The following ITPR1 variants were observed in gnomAD, a reference collection of about 807,000 sequenced individuals.
ITPR1 encodes the protein inositol 1,4,5-trisphosphate receptor type 1, also known as inositol 1,4,5-trisphosphate-gated calcium channel ITPR1.
ITPR1 carries 96 observed loss-of-function variants against 318.4 expected under a neutral mutation model. The ratio of observed to expected loss-of-function variants is 0.30; its 90% CI spans 0.26 to 0.36. The LOEUF is 0.36. Ranked by LOEUF, ITPR1 falls within the 10% of genes least tolerant of loss-of-function variation. The pLI, the probability that ITPR1 is intolerant of heterozygous loss-of-function variation, is 1.00. For synonymous variants in ITPR1, 1,312 were observed against 1,289.9 expected (o/e 1.02, Z -0.37); for missense variants, 2,440 against 3,460.2 (o/e 0.71, Z 7.40).
At chr3:4,627,987 C>A in intron 5 of ITPR1, 109 bp downstream of exon 5, 1 of 639,986 alleles carries the variant, frequency 1.6e-6, no homozygotes, top group Non-Finnish European at 2.6e-6. Context: ...TTCTAGCAGC[C>A]AGCTTTCTAC....
At chr3:4,771,262 C>T (rs1365035704) in intron 46 of ITPR1, among the ~76,000 whole-genome samples, 2 of 152,164 alleles carry the variant, frequency 1.3e-5, no homozygotes, top group African/African-American at 4.8e-5. Flanking sequence ...AGCAGCCACT[C>T]CTTAGAAGAG....
Position 4,806,224 on chromosome 3 carries a change from G to C in ITPR1, c.7229G>C (p.Cys2410Ser), listed in dbSNP as rs772980394. The change falls in exon 55 of 62, where the codon TGT (cysteine) becomes TCT (serine). Residue 2410 changes from cysteine to serine, a missense_variant. Transcript: ENST00000649015. ...FLYHLLYLVI[C>S]AMGLFVHEFF... The stretch of plus-strand genomic sequence containing the variant: ...TATCATTTGTTGTATCTGGTGATCT[G>C]TGCCATGGGGCTCTTTGTCCATGAA... 1.9e-6 allele frequency: 3 copies of C among 1,614,048 alleles called. No individual in the cohort carries two copies. The Admixed American group carries it at 5.0e-5, about 27-fold the overall frequency.
chr3:4,748,664 C>T (rs1559824818), intron 44 of ITPR1, among the ~76,000 whole-genome samples: 1 of 152,040 alleles, frequency 6.6e-6, no homozygotes, highest in African/African-American at 2.4e-5. Flanking sequence ...CTACTATTTC[C>T]GATTAGTGGA....
Position 4,673,051 on chromosome 3 carries a change from G to A in ITPR1, c.2205-85G>A, listed in dbSNP as rs1362415969. ...TTAGTTGGCCAAATGTCACTCCCAT[G>A]ACAGTCAGGGCTGCCCAGACGACCC... On this transcript the variant is annotated intron_variant, in intron 20 of 61. Coordinates refer to ENST00000649015, the MANE Select transcript of ITPR1 (RefSeq NM_001378452.1). The A allele has an allele frequency of 5.5e-6, 8 of 1,448,942 alleles. No individual in the cohort carries two copies. In the Admixed American group the frequency reaches 1.7e-4, roughly 30 times the overall value. The allele number at this position is 1,448,942 out of a possible 1,614,324, so 89.8% of individuals were successfully genotyped here.
At chr3:4,758,083 A>G (rs1230962675) in intron 44 of ITPR1, among the ~76,000 whole-genome samples, 1 of 152,188 alleles carries the variant, frequency 6.6e-6, no homozygotes, top group Non-Finnish European at 1.5e-5. Flanking sequence ...CACATTTTTC[A>G]AATTCTTGGC....
chr3:4,734,307 G>A (rs1311268684), intron 43 of ITPR1, among the ~76,000 whole-genome samples: 1 of 152,190 alleles, frequency 6.6e-6, no homozygotes, highest in Non-Finnish European at 1.5e-5. Flanking sequence ...ATCATGACAG[G>A]GATTTGGAAA....
Position 4,710,317 on chromosome 3 carries a change from C to G in ITPR1, c.4843-8C>G, listed in dbSNP as rs41304179. On this transcript the variant is annotated splice_polypyrimidine_tract_variant and splice_region_variant and intron_variant, in intron 37 of 61. Coordinates refer to ENST00000649015, the MANE Select transcript of ITPR1 (RefSeq NM_001378452.1). The surrounding 1 kb of genome is among the most constrained non-coding windows in gnomAD (Gnocchi z 4.2). Reference sequence around the variant, plus strand: ...GAGCCGTTGACTGAGGCTGTGTTTCCGTTTTAGGACATCGTCTCCGCGCTG... The same window carrying G: ...GAGCCGTTGACTGAGGCTGTGTTTCGGTTTTAGGACATCGTCTCCGCGCTG... 1 of 1,536,040 alleles carries G rather than the reference C, an allele frequency of 6.5e-7. No homozygotes were observed.
At chr3:4,697,446 C>A (rs2125256297) in intron 34 of ITPR1, among the ~76,000 whole-genome samples, 174 bp downstream of exon 34, 1 of 82,302 alleles carries the variant, frequency 1.2e-5, no homozygotes, top group Non-Finnish European at 2.9e-5. Flanking sequence ...TCTCATGTAT[C>A]CTTTCTTCCT....
In ITPR1 at chr3:4,779,234, C is replaced by T. The variant is rs572234195; in HGVS notation, c.6292-316C>T. 1.2e-4 allele frequency among the ~76,000 whole-genome samples: 18 copies of T among 152,356 alleles called. No individual in the cohort carries two copies. The highest frequency in any genetic ancestry group is 2.2e-4 in the Non-Finnish European group (15 of 68,038). On this transcript the variant is annotated intron_variant, in intron 48 of 61. Transcript: ENST00000649015. The surrounding 1 kb of genome is among the most constrained non-coding windows in gnomAD (Gnocchi z 4.0). ...GTCACCATGAGGGTGACAGTGTATC[C>T]GTAAGCACCCACGTGTAAATTCCCA...
intron 61 of ITPR1, among the ~76,000 whole-genome samples, chr3:4,843,445 G>T (rs2051519112): frequency 6.6e-6 from 1 of 152,198 alleles, no homozygotes; most frequent in African/African-American, 2.4e-5. Flanking sequence ...GGTTCTCAAA[G>T]TGTAGTCCCC....
chr3:4,564,052 T>A (rs1295566891), intron 4 of ITPR1, among the ~76,000 whole-genome samples: 1 of 151,998 alleles, frequency 6.6e-6, no homozygotes, highest in East Asian at 1.9e-4. Flanking sequence ...AGCGATTCTC[T>A]TGCCTCAGCC....
rs530185493 is a variant in ITPR1, at chr3:4,734,574, A to C, written c.5354-590A>C. Among the ~76,000 whole-genome samples, 180 of 152,350 alleles carry C rather than the reference A, an allele frequency of 1.2e-3. 6 individuals carry two copies. The South Asian group carries it at 0.036, about 30-fold the overall frequency. ...AAGTCCTTAAATATGTACCTCCCAA[A>C]CACAGTCAGAATCCATTCTAAATGG... On this transcript the variant is annotated intron_variant, in intron 43 of 61. Transcript: ENST00000649015.
chr3:4,527,588 A>G (rs2083085270), intron 4 of ITPR1, among the ~76,000 whole-genome samples: 2 of 152,226 alleles, frequency 1.3e-5, no homozygotes, highest in South Asian at 4.1e-4. Context: ...CTGGGGCAGT[A>G]TAACCCAGTT....
At chr3:4,617,329 A>G (rs2092425815) in intron 4 of ITPR1, among the ~76,000 whole-genome samples, 1 of 152,154 alleles carries the variant, frequency 6.6e-6, no homozygotes, top group African/African-American at 2.4e-5. Context: ...AGGTGCCAGC[A>G]GGTTTTGGTG....
chr3:4,516,659 T>C lies in ITPR1; in HGVS notation c.92+76T>C, dbSNP rs893168265. 3.2e-5 allele frequency: 29 copies of C among 915,724 alleles called. No homozygotes were observed. The Middle Eastern group carries it at 1.1e-3, about 34-fold the overall frequency. The allele number at this position is 915,724 out of a possible 1,614,324, so 56.7% of individuals were successfully genotyped here. A position where few individuals can be genotyped will look rare whatever the true frequency, so the allele number is the denominator to read the frequency against. ...CATCAGCTTAAAACTGTGATTTTTCTAACATAAGAACGTCACCGTTTTACT... is the reference window on the plus strand; with the variant it reads ...CATCAGCTTAAAACTGTGATTTTTCCAACATAAGAACGTCACCGTTTTACT... On this transcript the variant is annotated intron_variant, in intron 3 of 61. Transcript: ENST00000649015.
chr3:4,792,298 A>G (rs1333210553), intron 52 of ITPR1, among the ~76,000 whole-genome samples: 3 of 152,248 alleles, frequency 2.0e-5, no homozygotes, highest in African/African-American at 7.2e-5. Context: ...ACAAGTTCTA[A>G]TGATTCACAT....
chr3:4,819,279 C>A (rs1037951517), intron 60 of ITPR1, among the ~76,000 whole-genome samples: 6 of 152,214 alleles, frequency 3.9e-5, no homozygotes, highest in Non-Finnish European at 7.3e-5. Context: ...GAGGCCTCTC[C>A]TAGGTTCTGG....
intron 44 of ITPR1, among the ~76,000 whole-genome samples, chr3:4,761,280 C>G (rs2045426941): frequency 1.3e-5 from 2 of 152,216 alleles, no homozygotes; most frequent in Admixed American, 1.3e-4. Flanking sequence ...CGCCCAGGCA[C>G]TCCCCACTGT....
intron 43 of ITPR1, 78 bp from the exon 44 acceptor site, chr3:4,735,086 T>C (rs767286028): frequency 2.8e-6 from 3 of 1,086,526 alleles, no homozygotes; most frequent in Non-Finnish European, 4.1e-6. Context: ...GTGCATAAAG[T>C]GTTGGTGCGT....
Sources: allele counts gnomAD v4.1 joint callset (sites outside exome capture counted in the v4.1 genomes callset), GRCh38; gene constraint gnomAD v4.1.1; non-coding constraint Gnocchi (gnomAD v3.1); transcripts MANE v1.5; gene names NCBI Gene and HGNC (gene_info 2026-07-23, HGNC 2026-07-21).